FAM135A: variants seen among roughly 807,000 people sequenced by gnomAD.
FAM135A encodes protein FAM135A.
Under a neutral mutation model 146.8 loss-of-function variants are expected in FAM135A, and 79 were observed. The ratio of observed to expected loss-of-function variants is 0.54; its 90% CI spans 0.45 to 0.65. The LOEUF is 0.65. Ranked by LOEUF, FAM135A falls within the 30% of genes least tolerant of loss-of-function variation. The probability of loss-of-function intolerance (pLI) is 0.00; values close to 1 mark genes in which losing one functional copy is unlikely to be tolerated. For missense variants in FAM135A, 1,623 were observed against 1,758.2 expected (o/e 0.92, Z 1.38); for synonymous variants, 562 against 603.6 (o/e 0.93, Z 1.01).
rs1276930888 is a variant in FAM135A at position 70,475,436 on chromosome 6, G to A, written c.184G>A (p.Val62Ile). 3 of 1,597,136 alleles carry A rather than the reference G, an allele frequency of 1.9e-6. No homozygotes were observed. Among genetic ancestry groups the A allele is most frequent in the Non-Finnish European group, 2.6e-6 (3 of 1,172,734 alleles). Reference sequence around the variant, plus strand: ...TATGACTTTAGCCTTTCCAGCCTCAGTTCATGATTCTCTAATTTGCAGTAA... The same window carrying A: ...TATGACTTTAGCCTTTCCAGCCTCAATTCATGATTCTCTAATTTGCAGTAA... Reference protein sequence around the residue: ...TGMTLAFPASVHDSLICSKTF... With the variant: ...TGMTLAFPASIHDSLICSKTF... Residue 62 changes from valine to isoleucine, a missense_variant, in exon 6 of 22, where the codon GTT (valine) becomes ATT (isoleucine). Val to Ile is a conservative substitution (Grantham distance 29). Around this residue, in one of 7 missense-constraint regions of FAM135A, gnomAD observed 171 missense variants for 164.9 expected, o/e 1.04. Coordinates refer to ENST00000418814, the MANE Select transcript of FAM135A (RefSeq NM_001162529.3).
At chr6:70,497,500 C>A (rs961049786) in intron 11 of FAM135A, among the ~76,000 whole-genome samples, 1 of 152,132 alleles carries the variant, frequency 6.6e-6, no homozygotes, top group Non-Finnish European at 1.5e-5. Context: ...CTTTCTCTTG[C>A]CAGATTGCCC....
chr6:70,429,900 A>T (rs942713047), intron 4 of FAM135A, among the ~76,000 whole-genome samples: 19 of 144,850 alleles, frequency 1.3e-4, no homozygotes, highest in African/African-American at 4.5e-4. Flanking sequence ...GAGATTCTCT[A>T]TTTTTTTTTT....
chr6:70,496,761 A>G (rs905150611), intron 11 of FAM135A, among the ~76,000 whole-genome samples: 10 of 149,518 alleles, frequency 6.7e-5, no homozygotes, highest in Non-Finnish European at 1.2e-4. Flanking sequence ...TAAATAGGGA[A>G]TCCTTTCCCC....
intron 4 of FAM135A, among the ~76,000 whole-genome samples, chr6:70,436,721 G>A (rs1026377893): frequency 6.6e-6 from 1 of 152,188 alleles, no homozygotes; most frequent in Non-Finnish European, 1.5e-5. Context: ...CTTTAGGTGA[G>A]AAAGGATGTC....
At chr6:70,464,653 TCTTTC>T (rs1170194978) in intron 5 of FAM135A, among the ~76,000 whole-genome samples, 4 of 139,652 alleles carry the variant, frequency 2.9e-5, no homozygotes, top group African/African-American at 1.1e-4. Flanking sequence ...TTTCTTTCTT[TCTTTC>T]TTTTTTTTCT....
chr6:70,474,420 A>G (rs893218825), intron 5 of FAM135A, among the ~76,000 whole-genome samples: 1 of 151,710 alleles, frequency 6.6e-6, no homozygotes, highest in East Asian at 1.9e-4. Context: ...CCTCCACAAG[A>G]CTCCCCTCAC....
intron 2 of FAM135A, chr6:70,417,573 A>T (rs1249629271): frequency 1.0e-6 from 1 of 978,838 alleles, no homozygotes; most frequent in Admixed American, 6.2e-5. Flanking sequence ...GTCTTAATTT[A>T]ACCTGAACTA....
At chr6:70,435,613 C>T (rs1025799378) in intron 4 of FAM135A, among the ~76,000 whole-genome samples, 21 of 151,602 alleles carry the variant, frequency 1.4e-4, no homozygotes, top group South Asian at 4.2e-4. Context: ...TCCACCTCCC[C>T]GGATCAAGCA....
chr6:70,554,240 T>A (rs146688847), intron 20 of FAM135A, among the ~76,000 whole-genome samples: 1 of 152,328 alleles, frequency 6.6e-6, no homozygotes, highest in East Asian at 1.9e-4. Context: ...TATATTGAAA[T>A]CACTAACACA....
intron 12 of FAM135A, among the ~76,000 whole-genome samples, chr6:70,515,702 T>C (rs559600484): frequency 1.1e-4 from 16 of 152,246 alleles, no homozygotes; most frequent in African/African-American, 3.4e-4. Flanking sequence ...CATTATATAT[T>C]TTTCAAGCCC....
intron 4 of FAM135A, among the ~76,000 whole-genome samples, chr6:70,446,132 A>G (rs1374732582): frequency 6.6e-6 from 1 of 152,220 alleles, no homozygotes; most frequent in Non-Finnish European, 1.5e-5. Flanking sequence ...GATGCTTTAA[A>G]TATTTGTTCT....
intron 8 of FAM135A, 49 bp from the exon 9 acceptor site, chr6:70,480,852 A>G (rs374521769): frequency 7.2e-6 from 11 of 1,519,858 alleles, no homozygotes; most frequent in Non-Finnish European, 9.7e-6. Flanking sequence ...TTTAACTTAC[A>G]TTCAAATAGA....
At chr6:70,523,910 AG>A (rs1794152231) in intron 13 of FAM135A, 56 bp from the exon 14 acceptor site, 2 of 1,543,470 alleles carry the variant, frequency 1.3e-6, no homozygotes, top group African/African-American at 2.8e-5. Flanking sequence ...GATTCTACAA[AG>A]GGGAGTTGGG....
At chr6:70,510,157 C>T (rs75171158) in intron 12 of FAM135A, among the ~76,000 whole-genome samples, 1,873 of 146,434 alleles carry the variant, frequency 0.013, 16 homozygotes, top group Middle Eastern at 0.043. Context: ...GAAATCAAAA[C>T]GTTTATTGAC....
At chr6:70,489,924 G>A (rs978761905) in intron 10 of FAM135A, among the ~76,000 whole-genome samples, 8 of 152,126 alleles carry the variant, frequency 5.3e-5, no homozygotes, top group South Asian at 2.1e-4. Flanking sequence ...CAATATAGCC[G>A]TTGTCCTTTT....
rs768245685 is a variant in FAM135A, at chr6:70,525,889, A to G, written c.2805A>G (p.Lys935=). ...FSDEETSSDV[K]SSCSSKPNLD... The stretch of plus-strand genomic sequence containing the variant: ...ATGAAGAGACTTCCAGTGATGTGAA[A>G]AGTAGTTGCAGCTCCAAACCTAACT... Residue 935 remains lysine, a synonymous_variant, in exon 15 of 22, where the codon AAA becomes AAG. Transcript: ENST00000418814. 6.2e-7 allele frequency: 1 copy of G among 1,612,844 alleles called. No homozygotes were observed. Among genetic ancestry groups the G allele is most frequent in the Non-Finnish European group, 8.5e-7 (1 of 1,179,518 alleles).
At chr6:70,429,202 C>T (rs893098530) in intron 4 of FAM135A, among the ~76,000 whole-genome samples, 4 of 151,994 alleles carry the variant, frequency 2.6e-5, no homozygotes, top group Admixed American at 6.6e-5. Flanking sequence ...GAAATAGAAA[C>T]GAACATGTTA....
At chr6:70,519,007 G>C (rs1792926987) in intron 12 of FAM135A, among the ~76,000 whole-genome samples, 1 of 152,152 alleles carries the variant, frequency 6.6e-6, no homozygotes, top group African/African-American at 2.4e-5. Context: ...GCCCCAGATG[G>C]TGATTCCTCT....
At chr6:70,453,253 A>T (rs1052080819) in intron 5 of FAM135A, among the ~76,000 whole-genome samples, 6 of 152,214 alleles carry the variant, frequency 3.9e-5, no homozygotes, top group African/African-American at 1.4e-4. Context: ...TTTTTAAAGC[A>T]CCATAAAAAT....
Sources: allele counts gnomAD v4.1 joint callset (sites outside exome capture counted in the v4.1 genomes callset), GRCh38; gene constraint gnomAD v4.1.1; regional missense constraint gnomAD v4.1.1; transcripts MANE v1.5; gene names NCBI Gene and HGNC (gene_info 2026-07-23, HGNC 2026-07-21).